PLEKHG4B: variants seen among roughly 807,000 people sequenced by gnomAD.
PLEKHG4B encodes the protein pleckstrin homology domain-containing family G member 4B.
A neutral mutation model predicts 121.3 loss-of-function variants in PLEKHG4B; 111 were observed. That is an observed-to-expected ratio of 0.92 (90% CI 0.78 to 1.07). PLEKHG4B has a LOEUF of 1.07. PLEKHG4B is among the 50% of genes least tolerant of loss of function. PLEKHG4B has a pLI of 0.00. For synonymous variants in PLEKHG4B, 738 were observed against 725.0 expected (o/e 1.02, Z -0.29); for missense variants, 1,831 against 1,757.8 (o/e 1.04, Z -0.74).
At chr5:119,880 TA>T (rs1191983938) in intron 2 of PLEKHG4B, among the ~76,000 whole-genome samples, 1 of 152,158 alleles carries the variant, frequency 6.6e-6, no homozygotes, top group Non-Finnish European at 1.5e-5. Context: ...GTAATTCTCT[TA>T]TAGGGAATTT....
chr5:166,365 C>G (rs112088825), intron 13 of PLEKHG4B, among the ~76,000 whole-genome samples: 5 of 62,632 alleles, frequency 8.0e-5, no homozygotes, highest in African/African-American at 1.4e-4. Context: ...CACTAATGCT[C>G]TGACGGGGCG....
chr5:97,577 A>ACTT (rs1733666878), intron 1 of PLEKHG4B, among the ~76,000 whole-genome samples: 1 of 152,180 alleles, frequency 6.6e-6, no homozygotes, highest in Admixed American at 6.5e-5. Flanking sequence ...GGTTTCTTTC[A>ACTT]CTTAGCACGA....
chr5:149,850 G>T (rs1179853246), intron 6 of PLEKHG4B, among the ~76,000 whole-genome samples: 2 of 152,150 alleles, frequency 1.3e-5, no homozygotes, highest in Non-Finnish European at 2.9e-5. Context: ...CATTAGGGTG[G>T]CTATTGTAAA....
chr5:110,324 A>C (rs1394944175), intron 1 of PLEKHG4B, among the ~76,000 whole-genome samples: 1 of 146,814 alleles, frequency 6.8e-6, no homozygotes, highest in Non-Finnish European at 1.5e-5. Context: ...GCACGCACCC[A>C]CACAGTCTGC....
rs1735926125 is a variant in PLEKHG4B at position 159,632 on chromosome 5, C to T, written c.2488-2151C>T. 1.3e-5 allele frequency among the ~76,000 whole-genome samples: 2 copies of T among 152,160 alleles called. No homozygotes were observed. The highest frequency in any genetic ancestry group is 1.3e-4 in the Admixed American group (2 of 15,278). ...AGTCTGTGGCTTCTGTGGGTTTGTT[C>T]TGGCGCCAGAGGCTTTCCTGGCGAC... On this transcript the variant is annotated intron_variant, in intron 11 of 19. Transcript: ENST00000637938. This position sits in a 1 kb window ranked among gnomAD's most constrained non-coding sequence, Gnocchi z 5.5.
At chr5:143,020 T>G (rs199987310) in intron 3 of PLEKHG4B, 27 bp from the exon 4 acceptor site, 25 of 1,604,338 alleles carry the variant, frequency 1.6e-5, no homozygotes, top group Non-Finnish European at 6.8e-6. Flanking sequence ...ACCTTCATCT[T>G]TGACACGGCC....
rs1270137667 is a variant in PLEKHG4B, at chr5:181,677, T to G, written c.4564+2T>G. 6.2e-7 allele frequency: 1 copy of G among 1,611,494 alleles called. No individual in the cohort carries two copies. Among genetic ancestry groups the G allele is most frequent in the Admixed American group, 1.7e-5 (1 of 59,958 alleles). On this transcript the variant is annotated splice_donor_variant, in intron 19 of 19. Transcript: ENST00000637938. LOFTEE classifies it high-confidence loss of function. Reference sequence around the variant, plus strand: ...CCGACAGCATCGTCAAGGGCACAGGTACGGTGGCTCGGTCCCGCCCTCACT... The same window carrying G: ...CCGACAGCATCGTCAAGGGCACAGGGACGGTGGCTCGGTCCCGCCCTCACT...
chr5:163,715 T>C (rs1350718453), intron 13 of PLEKHG4B, among the ~76,000 whole-genome samples, 167 bp downstream of exon 13: 3 of 152,210 alleles, frequency 2.0e-5, no homozygotes, highest in Non-Finnish European at 4.4e-5. Flanking sequence ...AAACTAGATA[T>C]GAGTTACCTG....
At chr5:97,411 T>C (rs968335268) in intron 1 of PLEKHG4B, among the ~76,000 whole-genome samples, 1 of 152,302 alleles carries the variant, frequency 6.6e-6, no homozygotes, top group South Asian at 2.1e-4. Context: ...ATCGTTTTCC[T>C]CATTCCAAAG....
In PLEKHG4B at chr5:139,471, C is replaced by G; in HGVS notation, c.244-12C>G. 1 of 399,016 alleles carries G rather than the reference C, an allele frequency of 2.5e-6. No individual in the cohort carries two copies. 24.7% of individuals were successfully genotyped at this position (399,016 alleles called of 1,614,324 possible). On this transcript the variant is annotated splice_polypyrimidine_tract_variant and intron_variant, in intron 2 of 19. Coordinates refer to ENST00000637938, the MANE Select transcript of PLEKHG4B (RefSeq NM_052909.5). The surrounding 1 kb of genome is among the most constrained non-coding windows in gnomAD (Gnocchi z 5.0). The stretch of plus-strand genomic sequence containing the variant: ...CGTGCCCACCACTAACCTCCCTCCT[C>G]TCTTGTCTCAGGCCAGGTACAGGGG...
intron 1 of PLEKHG4B, among the ~76,000 whole-genome samples, chr5:97,790 C>G (rs780600867): frequency 2.6e-5 from 4 of 152,052 alleles, no homozygotes; most frequent in Non-Finnish European, 5.9e-5. Flanking sequence ...TTGCATTTCT[C>G]TTGCAGATAT....
chr5:121,161 G>C (rs969068663), intron 2 of PLEKHG4B, among the ~76,000 whole-genome samples: 2 of 151,882 alleles, frequency 1.3e-5, no homozygotes, highest in Non-Finnish European at 2.9e-5. Flanking sequence ...GCAGGAGAAT[G>C]GCGTGAACCC....
At chr5:149,180 T>C (rs7706975) in intron 6 of PLEKHG4B, among the ~76,000 whole-genome samples, 28,691 of 152,060 alleles carry the variant, frequency 0.19, 3,774 homozygotes, top group African/African-American at 0.37. Context: ...TTAGATATAA[T>C]ATCAGAGGCA....
chr5:128,091 A>G (rs1734672103), intron 2 of PLEKHG4B, among the ~76,000 whole-genome samples: 1 of 152,226 alleles, frequency 6.6e-6, no homozygotes. Context: ...CCTTAGGGAC[A>G]ATAGATGACA....
intron 6 of PLEKHG4B, among the ~76,000 whole-genome samples, chr5:150,406 G>A (rs890753953): frequency 6.6e-6 from 1 of 152,176 alleles, no homozygotes; most frequent in Admixed American, 6.5e-5. Context: ...CTTACAAGAT[G>A]AAAAGAGTTA....
In PLEKHG4B at chr5:183,358, C is replaced by G. The variant is rs1406039305; in HGVS notation, c.*1035C>G. 2 of 152,232 alleles carry G rather than the reference C, an allele frequency of 1.3e-5. No individual in the cohort carries two copies. Among genetic ancestry groups the G allele is most frequent in the Non-Finnish European group, 2.9e-5 (2 of 68,048 alleles). The allele number at this position is 152,232 out of a possible 1,614,324, so 9.4% of individuals were successfully genotyped here. A position where few individuals can be genotyped will look rare whatever the true frequency, so the allele number is the denominator to read the frequency against. ...GTGCAGAGGAGCAGCCAAGGGCAAA[C>G]ACTCCAAGGAGAGTCGCCTGGCAAA... On this transcript the variant is annotated 3_prime_UTR_variant, in exon 20 of 20. Transcript: ENST00000637938.
Position 156,951 on chromosome 5 carries a change from C to T in PLEKHG4B, c.2487+40C>T. On this transcript the variant is annotated intron_variant, in intron 11 of 19. Transcript: ENST00000637938. The surrounding 1 kb of genome is among the most constrained non-coding windows in gnomAD (Gnocchi z 4.4). Reference sequence around the variant, plus strand: ...AGGAAGGCGGCCCGGTCAGCATCCCCTCCAGGCCAGGCTGGCCAAGGCAAC... The same window carrying T: ...AGGAAGGCGGCCCGGTCAGCATCCCTTCCAGGCCAGGCTGGCCAAGGCAAC... 6.2e-7 allele frequency: 1 copy of T among 1,605,118 alleles called. No homozygotes were observed. Among genetic ancestry groups the T allele is most frequent in the Non-Finnish European group, 8.5e-7 (1 of 1,176,572 alleles).
rs370888196 is a variant in PLEKHG4B at position 182,082 on chromosome 5, C to T, written c.4643C>T (p.Ser1548Leu). 62 of 1,614,056 alleles carry T rather than the reference C, an allele frequency of 3.8e-5. No individual in the cohort carries two copies. The highest frequency in any genetic ancestry group is 9.3e-6 in the Non-Finnish European group (11 of 1,180,052). ...TTCAAGCGACCACACTCCACCATCTCAGACAGCAGCACCTCCTCTTCTAGC... is the reference window on the plus strand; with the variant it reads ...TTCAAGCGACCACACTCCACCATCTTAGACAGCAGCACCTCCTCTTCTAGC... ...APFKRPHSTI[S>L]DSSTSSSSSQ... Residue 1548 changes from serine to leucine, a missense_variant, in exon 20 of 20, where the codon TCA (serine) becomes TTA (leucine). Coordinates refer to ENST00000637938, the MANE Select transcript of PLEKHG4B (RefSeq NM_052909.5).
chr5:117,150 T>C (rs1734330283), intron 2 of PLEKHG4B, among the ~76,000 whole-genome samples: 1 of 152,236 alleles, frequency 6.6e-6, no homozygotes, highest in African/African-American at 2.4e-5. Context: ...TTACTAGTAC[T>C]TAATAAGCAC....
Sources: gnomAD v4.1 joint callset for allele counts (sites outside exome capture counted in the v4.1 genomes callset) on GRCh38, gnomAD v4.1.1 for gene constraint, Gnocchi (gnomAD v3.1) non-coding constraint, MANE v1.5 for transcripts, NCBI Gene and HGNC (gene_info 2026-07-23, HGNC 2026-07-21) for gene names.